Variants in ABCA7 observed in about 807,000 individuals in gnomAD.
ABCA7 encodes the protein ATP binding cassette subfamily A member 7, also known as phospholipid-transporting ATPase ABCA7.
Under a neutral mutation model 227.6 loss-of-function variants are expected in ABCA7, and 261 were observed. The ratio of observed to expected loss-of-function variants is 1.15; its 90% CI spans 1.04 to 1.27. The LOEUF (loss-of-function observed/expected upper bound fraction) is 1.27. Ranked by LOEUF, ABCA7 falls within the 50% of genes most tolerant of loss-of-function variation. The pLI is 0.00. For synonymous variants in ABCA7, 1,488 were observed against 1,279.7 expected, an observed-to-expected ratio of 1.16 and a Z score of -3.47; for missense variants, 3,331 against 2,924.5, an observed-to-expected ratio of 1.14 and a Z score of -3.21.
chr19:1,041,968 T>C lies in ABCA7; in HGVS notation c.298T>C (p.Ser100Pro), dbSNP rs200149451. ...CGGGCGCCTGAGCAACTTCAACGAC[T>C]CCCTGTGAGCCAGAGGCAGTGGGTG... ...EPGRLSNFND[S>P]LVSRLLADAR... Residue 100 changes from serine (S) to proline (P), a missense_variant, in exon 4 of 47, where the codon TCC becomes CCC. By Grantham distance (74) the Ser-to-Pro change is moderately conservative. Transcript: ENST00000263094. 1.5e-5 allele frequency: 24 copies of C among 1,584,232 alleles called. No homozygotes were observed. In the East Asian group the frequency reaches 5.2e-4, roughly 34 times the overall value.
intron 25 of ABCA7, 63 bp downstream of exon 25, chr19:1,053,899 A>G: frequency 6.3e-7 from 1 of 1,591,782 alleles, no homozygotes; most frequent in Non-Finnish European, 8.6e-7. Flanking sequence ...CCAGGTCCCC[A>G]TCCCTGGCTT....
intron 18 of ABCA7, among the ~76,000 whole-genome samples, chr19:1,050,112 C>T (rs975407528): frequency 6.6e-6 from 1 of 151,094 alleles, no homozygotes; most frequent in Admixed American, 6.6e-5. Flanking sequence ...GAGTAAGACC[C>T]TGTCTCAAAA....
intron 18 of ABCA7, among the ~76,000 whole-genome samples, chr19:1,050,151 C>T (rs914285202): frequency 1.3e-5 from 2 of 151,354 alleles, no homozygotes; most frequent in Non-Finnish European, 2.9e-5. Flanking sequence ...TGGCTCACGC[C>T]TGTAATCCCA....
chr19:1,055,949 G>T lies in ABCA7; in HGVS notation c.4238+10G>T. The T allele has an allele frequency of 6.3e-7, 1 of 1,586,800 alleles. No homozygotes were observed. Among genetic ancestry groups the T allele is most frequent in the African/African-American group, 1.3e-5 (1 of 74,236 alleles). On this transcript the variant is annotated intron_variant, in intron 31 of 46. Transcript: ENST00000263094. Reference sequence around the variant, plus strand: ...GGGTGAATGAGGTCAGGTGAGGAGGGGTCTAGCTTGGGGTCCCCTGCCCCA... The same window carrying T: ...GGGTGAATGAGGTCAGGTGAGGAGGTGTCTAGCTTGGGGTCCCCTGCCCCA...
intron 17 of ABCA7, 90 bp downstream of exon 17, chr19:1,049,095 C>A: frequency 1.0e-6 from 1 of 973,258 alleles, no homozygotes; most frequent in Non-Finnish European, 1.5e-6. Flanking sequence ...TGACAATGAC[C>A]TGGACACCCC....
rs1408804585 is a variant in ABCA7, at chr19:1,052,084, G to A, written c.3105G>A (p.Leu1035=). 4 of 1,612,204 alleles carry A rather than the reference G, an allele frequency of 2.5e-6. No homozygotes were observed. Among genetic ancestry groups the A allele is most frequent in the Non-Finnish European group, 3.4e-6 (4 of 1,179,870 alleles). ...LRRHLGSGYY[L]TLVKARLPLT... ...GTCACCTGGGCTCCGGCTACTACCT[G>A]ACGCTGGTGAAGGCCCGCCTGCCCC... The change falls in exon 22 of 47, where the codon CTG becomes CTA. Residue 1035 remains leucine (L), a synonymous_variant. Coordinates refer to ENST00000263094, the MANE Select transcript of ABCA7 (RefSeq NM_019112.4).
rs878963541 is a variant in ABCA7 at position 1,046,254 on chromosome 19, G to A, written c.1470G>A (p.Ala490=). ...GGTTTTGGGACCCTGGCCCAGCCGCGGACCCCCTGACCGACCTGCGCTACG... is the reference window on the plus strand; with the variant it reads ...GGTTTTGGGACCCTGGCCCAGCCGCAGACCCCCTGACCGACCTGCGCTACG... ...RDRFWDPGPA[A]DPLTDLRYVW... Residue 490 remains alanine, a synonymous_variant, in exon 13 of 47, where the codon GCG becomes GCA. Coordinates refer to ENST00000263094, the MANE Select transcript of ABCA7 (RefSeq NM_019112.4). 3 of 1,607,136 alleles carry A rather than the reference G, an allele frequency of 1.9e-6. No homozygotes were observed. The highest frequency in any genetic ancestry group is 2.2e-5 in the South Asian group (2 of 91,060).
chr19:1,060,283 C>G (rs2042572457), intron 40 of ABCA7, among the ~76,000 whole-genome samples: 1 of 151,398 alleles, frequency 6.6e-6, no homozygotes, highest in Non-Finnish European at 1.5e-5. Flanking sequence ...GTAATCTTGG[C>G]TCACGGTAAC....
chr19:1,063,924 C>T (rs2042860265), intron 44 of ABCA7, 61 bp downstream of exon 44: 11 of 1,471,062 alleles, frequency 7.5e-6, no homozygotes, highest in Non-Finnish European at 9.9e-6. Flanking sequence ...GAGAGAGAGC[C>T]CCAAAGCACA....
chr19:1,063,031 A>G (rs28668646), intron 42 of ABCA7, among the ~76,000 whole-genome samples: 807 of 48,428 alleles, frequency 0.017, 136 homozygotes, highest in South Asian at 0.037. Context: ...CCATGGCCCC[A>G]CCCCATACTC....
At chr19:1,061,390 CAAAAA>C (rs978850571) in intron 40 of ABCA7, among the ~76,000 whole-genome samples, 4 of 36,914 alleles carry the variant, frequency 1.1e-4, no homozygotes, top group Non-Finnish European at 2.0e-4. Flanking sequence ...GGCTCCGTCT[CAAAAA>C]AAAAAAAAAA....
Position 1,048,498 on chromosome 19 carries a change from AAAAAAAAAAAAC to A in ABCA7, c.2270-385_2270-374del, listed in dbSNP as rs1345629575. 6.8e-5 allele frequency among the ~76,000 whole-genome samples: 7 copies of A among 102,696 alleles called. No homozygotes were observed. In the South Asian group the frequency reaches 1.5e-3, roughly 22 times the overall value. The allele number at this position is 102,696 out of a possible 152,430, so 67.4% of individuals were successfully genotyped here. Reference sequence around the variant, plus strand: ...GCAACAAGAGTGAAACTCAGTCTCAAAAAAAAAAAAACAAAAAAAAAAAAAACAAGGCCGGGC... The same window carrying A: ...GCAACAAGAGTGAAACTCAGTCTCAAAAAAAAAAAAAAAACAAGGCCGGGC... On this transcript the variant is annotated intron_variant, in intron 16 of 46. Coordinates refer to ENST00000263094, the MANE Select transcript of ABCA7 (RefSeq NM_019112.4).
intron 16 of ABCA7, among the ~76,000 whole-genome samples, chr19:1,048,467 G>T (rs1294340353): frequency 4.3e-5 from 5 of 116,832 alleles, no homozygotes; most frequent in Non-Finnish European, 6.5e-5. Context: ...CTGCACTCCA[G>T]CCTGGGCAAC....
At position 1,048,366 on chromosome 19, in the gene ABCA7, G is replaced by A. The variant is rs146831986; in HGVS notation, c.2270-529G>A. ...TACAAAATTAGCTGGGTGTGGTGGC[G>A]GGTGCCTGTTTCCTAGCTACTTGGA... is the stretch of plus-strand genomic sequence containing the variant. On this transcript the variant is annotated intron_variant, in intron 16 of 46. Transcript: ENST00000263094. 6.5e-4 allele frequency among the ~76,000 whole-genome samples: 99 copies of A among 151,396 alleles called. 1 individual carries two copies. Among genetic ancestry groups the A allele is most frequent in the African/African-American group, 2.4e-3 (97 of 41,216 alleles).
At chr19:1,052,892 C>T (rs1241548130) in intron 23 of ABCA7, among the ~76,000 whole-genome samples, 1 of 151,992 alleles carries the variant, frequency 6.6e-6, no homozygotes, top group Non-Finnish European at 1.5e-5. Context: ...CAGCACTGCC[C>T]TCAAGATCTC....
Position 1,044,666 on chromosome 19 carries a change from T to C in ABCA7, c.1137T>C (p.Pro379=). The C allele has an allele frequency of 6.2e-7, 1 of 1,613,098 alleles. No homozygotes were observed. The highest frequency in any genetic ancestry group is 8.5e-7 in the Non-Finnish European group (1 of 1,179,952). ...HMEALRSFLD[P]GSGGYSWQDA... Reference sequence around the variant, plus strand: ...AGGCCCTGCGATCCTTTCTGGACCCTGGGAGCGGTGGCTACAGCTGGCAGG... The same window carrying C: ...AGGCCCTGCGATCCTTTCTGGACCCCGGGAGCGGTGGCTACAGCTGGCAGG... Residue 379 remains proline (P), a synonymous_variant, in exon 11 of 47, where the codon CCT becomes CCC. Transcript: ENST00000263094.
chr19:1,045,947 C>T (rs1482642317), intron 12 of ABCA7, among the ~76,000 whole-genome samples: 3 of 152,168 alleles, frequency 2.0e-5, no homozygotes, highest in African/African-American at 7.2e-5. Context: ...GCGGAGGTTG[C>T]AGTGAGCCGA....
In ABCA7 at chr19:1,043,071, C is replaced by T. The variant is rs1286989477; in HGVS notation, c.610C>T (p.Arg204Trp). Residue 204 changes from arginine (R) to tryptophan (W), a missense_variant, in exon 8 of 47, where the codon CGG (arginine) becomes TGG (tryptophan). Physicochemically the swap from Arg to Trp is moderately radical, Grantham distance 101. Coordinates refer to ENST00000263094, the MANE Select transcript of ABCA7 (RefSeq NM_019112.4). ...GGCGCTGCGCAGCCTGGTGGAGCTT[C>T]GGGCACTGCTGCAGAGACCCCGAGG... Reference protein sequence around the residue: ...LLALRSLVELRALLQRPRGTS... With the variant: ...LLALRSLVELWALLQRPRGTS... 6.2e-6 allele frequency: 10 copies of T among 1,608,742 alleles called. No individual in the cohort carries two copies. The African/African-American group carries it at 6.7e-5, about 11-fold the overall frequency.
At position 1,062,212 on chromosome 19, in the gene ABCA7, T is replaced by C. The variant is rs1168809915; in HGVS notation, c.5611T>C (p.Tyr1871His). The C allele has an allele frequency of 3.1e-6, 5 of 1,612,352 alleles. No individual in the cohort carries two copies. Among genetic ancestry groups the C allele is most frequent in the African/African-American group, 1.3e-5 (1 of 74,898 alleles). ...EPSAAHLSMGYCPQSDAIFEL... is the reference protein window; with the variant it reads ...EPSAAHLSMGHCPQSDAIFEL... ...CAGTGCTGCGCACCTCAGCATGGGATACTGCCCTCAATCCGATGCCATCTT... is the reference window on the plus strand; with the variant it reads ...CAGTGCTGCGCACCTCAGCATGGGACACTGCCCTCAATCCGATGCCATCTT... The change falls in exon 42 of 47, where the codon TAC becomes CAC. Residue 1871 changes from tyrosine (Y) to histidine (H), a missense_variant. By Grantham distance (83) the Tyr-to-His change is moderately conservative. Transcript: ENST00000263094.
Sources: gnomAD v4.1 joint callset for allele counts (sites outside exome capture counted in the v4.1 genomes callset) on GRCh38, gnomAD v4.1.1 for gene constraint, MANE v1.5 for transcripts, NCBI Gene and HGNC (gene_info 2026-07-23, HGNC 2026-07-21) for gene names.